ERICH1: variants seen among roughly 807,000 people sequenced by gnomAD.
The protein encoded by ERICH1 is glutamate-rich protein 1.
Under a neutral mutation model 39.6 loss-of-function variants are expected in ERICH1, and 56 were observed. The observed-to-expected ratio is 1.41, with a 90% CI of 1.14 to 1.77. ERICH1 has a LOEUF of 1.77. Among genes scored for constraint, ERICH1 ranks in the 40% most tolerant of loss-of-function variants. The pLI is 0.00. For missense variants in ERICH1, 826 were observed against 575.4 expected, an observed-to-expected ratio of 1.44 and a Z score of -4.45; for synonymous variants, 313 against 223.6, an observed-to-expected ratio of 1.40 and a Z score of -3.57.
At chr8:687,845 G>A (rs1006456976) in intron 3 of ERICH1, among the ~76,000 whole-genome samples, 1 of 152,162 alleles carries the variant, frequency 6.6e-6, no homozygotes, top group Non-Finnish European at 1.5e-5. Flanking sequence ...CCCGGATGCA[G>A]CGGTCCCGCC....
rs1265278728 is a variant in ERICH1, at chr8:674,169, A to C, written c.305-122T>G. 2.6e-6 allele frequency: 3 copies of C among 1,149,870 alleles called. No homozygotes were observed. In the East Asian group the frequency reaches 7.5e-5, roughly 29 times the overall value. 71.2% of individuals were successfully genotyped at this position (1,149,870 alleles called of 1,614,324 possible). A position where few individuals can be genotyped will look rare whatever the true frequency, so the allele number is the denominator to read the frequency against. On this transcript the variant is annotated intron_variant, in intron 3 of 5. Transcript: ENST00000262109. ...AGTAGAAAAAGAGTTTACACTATTT[A>C]CTTCGGTGATTCTCAACTTTACCAT... is the stretch of plus-strand genomic sequence containing the variant.
intron 2 of ERICH1, among the ~76,000 whole-genome samples, chr8:693,615 C>T (rs559730479): frequency 8.6e-5 from 13 of 151,286 alleles, no homozygotes. Context: ...GGAACCTCCC[C>T]TGCTGTGTGC....
intron 3 of ERICH1, chr8:616,619 A>G (rs68122960): frequency 0.76 from 345,071 of 453,830 alleles, 133,143 homozygotes; most frequent in East Asian, 0.99. Flanking sequence ...GTGAGTGGGG[A>G]GAGGGAGGCA....
At chr8:618,706 C>T (rs541495193) in intron 3 of ERICH1, among the ~76,000 whole-genome samples, 8 of 152,274 alleles carry the variant, frequency 5.3e-5, no homozygotes, top group African/African-American at 9.6e-5. Context: ...TGGAACAGCA[C>T]GCAATGGATA....
chr8:667,414 C>G (rs1047207607), intron 5 of ERICH1: 1 of 153,154 alleles, frequency 6.5e-6, no homozygotes, highest in Non-Finnish European at 1.5e-5. Context: ...ACAACACCCT[C>G]CTCTTCCCGC....
At chr8:677,346 G>A (rs956205923) in intron 3 of ERICH1, among the ~76,000 whole-genome samples, 1 of 152,216 alleles carries the variant, frequency 6.6e-6, no homozygotes, top group African/African-American at 2.4e-5. Context: ...CTTTGTGGAA[G>A]AGAGTTCCCA....
chr8:638,377 G>C (rs1255288631), intron 3 of ERICH1, among the ~76,000 whole-genome samples: 1 of 152,222 alleles, frequency 6.6e-6, no homozygotes, highest in Non-Finnish European at 1.5e-5. Flanking sequence ...GTTCTTCGGA[G>C]AGGAGGCCTG....
intron 1 of ERICH1, among the ~76,000 whole-genome samples, chr8:730,257 A>G (rs915264971): frequency 4.6e-5 from 7 of 152,260 alleles, no homozygotes; most frequent in African/African-American, 1.2e-4. Flanking sequence ...TGTCCCTGAA[A>G]AGGAAGACTT....
chr8:643,232 A>G (rs898206304), intron 3 of ERICH1, among the ~76,000 whole-genome samples: 9 of 152,206 alleles, frequency 5.9e-5, no homozygotes, highest in African/African-American at 2.2e-4. Flanking sequence ...GTTCTCTGGC[A>G]TGAGACGATG....
At chr8:666,677 G>A (rs755130909) in intron 5 of ERICH1, 1 of 152,486 alleles carries the variant, frequency 6.6e-6, no homozygotes, top group Admixed American at 6.5e-5. Flanking sequence ...TGGCCCTCTT[G>A]AGCCTCAGCT....
Position 692,481 on chromosome 8 carries a change from C to T in ERICH1, c.301G>A (p.Glu101Lys). Residue 101 changes from glutamate (E) to lysine (K), a missense_variant, in exon 3 of 6, where the codon GAA (glutamate) becomes AAA (lysine). Glu to Lys is a moderately conservative substitution (Grantham distance 56, BLOSUM62 1). Coordinates refer to ENST00000262109, the MANE Select transcript of ERICH1 (RefSeq NM_207332.3). ...TTCCTCCCACCCAGCATTTTACCTT[C>T]TGTGTCATCCCCGCTGGAGGCGTTC... ...PENASSGDDT[E>K]DQDPHDQPKR... The T allele has an allele frequency of 6.8e-6, 11 of 1,614,144 alleles. No homozygotes were observed. Among genetic ancestry groups the T allele is most frequent in the Non-Finnish European group, 6.8e-6 (8 of 1,180,008 alleles).
chr8:632,078 C>T (rs1360956194), intron 3 of ERICH1, among the ~76,000 whole-genome samples: 1 of 152,198 alleles, frequency 6.6e-6, no homozygotes, highest in African/African-American at 2.4e-5. Flanking sequence ...GCTCTACTCT[C>T]CGACTGGCAG....
At chr8:644,126 G>A (rs1322218680) in intron 3 of ERICH1, among the ~76,000 whole-genome samples, 1 of 152,240 alleles carries the variant, frequency 6.6e-6, no homozygotes, top group East Asian at 1.9e-4. Flanking sequence ...TGGGGCCACT[G>A]CTACAGGGAT....
At chr8:619,547 T>C (rs886371328) in intron 3 of ERICH1, among the ~76,000 whole-genome samples, 1 of 152,126 alleles carries the variant, frequency 6.6e-6, no homozygotes, top group African/African-American at 2.4e-5. Context: ...GTAACCAGTA[T>C]CCACCGGGGG....
intron 2 of ERICH1, among the ~76,000 whole-genome samples, chr8:704,171 G>C (rs1345429492): frequency 1.3e-5 from 2 of 152,178 alleles, no homozygotes; most frequent in Non-Finnish European, 2.9e-5. Flanking sequence ...TGACCTTCAA[G>C]ATCTCTAAAA....
At chr8:630,564 T>C (rs1669663) in intron 3 of ERICH1, among the ~76,000 whole-genome samples, 7,376 of 21,004 alleles carry the variant, frequency 0.35, 1,728 homozygotes, top group Admixed American at 0.47. Context: ...CACACACCCT[T>C]CTGTGACCAC....
intron 3 of ERICH1, among the ~76,000 whole-genome samples, chr8:635,133 G>A (rs1276796529): frequency 6.6e-6 from 1 of 151,830 alleles, no homozygotes; most frequent in East Asian, 1.9e-4. Flanking sequence ...AGGAGTGGGC[G>A]TGGCCGCATC....
At chr8:674,296 C>CTTTTTTTTTT (rs11372589) in intron 3 of ERICH1, among the ~76,000 whole-genome samples, 2 of 109,804 alleles carry the variant, frequency 1.8e-5, no homozygotes. Context: ...CAAGTTGTTG[C>CTTTTTTTTTT]TTTTTTTTTT....
chr8:669,676 G>C (rs1045291763), intron 4 of ERICH1, among the ~76,000 whole-genome samples: 1 of 152,258 alleles, frequency 6.6e-6, no homozygotes, highest in African/African-American at 2.4e-5. Context: ...ACAGCAGCAG[G>C]TTAAACCAGA....
Sources: gnomAD v4.1 joint callset for allele counts (sites outside exome capture counted in the v4.1 genomes callset) on GRCh38, gnomAD v4.1.1 for gene constraint, MANE v1.5 for transcripts, NCBI Gene and HGNC (gene_info 2026-07-23, HGNC 2026-07-21) for gene names.